Variants in MAGI2 observed in about 807,000 individuals in gnomAD.
The protein encoded by MAGI2 is membrane associated guanylate kinase, WW and PDZ domain containing 2, also known as membrane-associated guanylate kinase, WW and PDZ domain-containing protein 2.
MAGI2 carries 35 observed loss-of-function variants against 133.3 expected under a neutral mutation model. The observed-to-expected ratio is 0.26, with a 90% CI of 0.20 to 0.35. The LOEUF is 0.35. Ranked by LOEUF, MAGI2 falls within the 10% of genes least tolerant of loss-of-function variation. The pLI is 1.00. For missense variants in MAGI2, 1,636 were observed against 1,863.4 expected (o/e 0.88, Z 2.25); for synonymous variants, 729 against 710.6 (o/e 1.03, Z -0.41).
At chr7:79,096,920 A>T (rs1817568031) in intron 1 of MAGI2, among the ~76,000 whole-genome samples, 1 of 152,136 alleles carries the variant, frequency 6.6e-6, no homozygotes, top group South Asian at 2.1e-4. Context: ...TAAGGGTAAA[A>T]TATTGCTGTG....
chr7:79,113,775 C>A (rs921985939), intron 1 of MAGI2, among the ~76,000 whole-genome samples: 1 of 151,554 alleles, frequency 6.6e-6, no homozygotes, highest in Non-Finnish European at 1.5e-5. Flanking sequence ...CTACCCAGGG[C>A]AGTGCTAATA....
rs1041797877 is a variant in MAGI2, at chr7:79,007,998, T to A, written c.302-792A>T. Reference sequence around the variant, plus strand: ...ATAGTTAAAAAGCCAATAATGTAGATCTATCAAATACTTATTTGATATTTA... The same window carrying A: ...ATAGTTAAAAAGCCAATAATGTAGAACTATCAAATACTTATTTGATATTTA... On this transcript the variant is annotated intron_variant, in intron 1 of 21. Coordinates refer to ENST00000354212, the MANE Select transcript of MAGI2 (RefSeq NM_012301.4). Among the ~76,000 whole-genome samples, 6 of 152,138 alleles carry A rather than the reference T, an allele frequency of 3.9e-5. No homozygotes were observed. The East Asian group carries it at 7.7e-4, about 20-fold the overall frequency.
intron 1 of MAGI2, among the ~76,000 whole-genome samples, chr7:79,155,478 G>T (rs182970499): frequency 7.6e-4 from 116 of 152,208 alleles, no homozygotes; most frequent in African/African-American, 2.7e-3. Context: ...CACATTGAGA[G>T]AAGTATTTGG....
chr7:78,844,084 A>T (rs1792380151), intron 2 of MAGI2, among the ~76,000 whole-genome samples: 2 of 150,616 alleles, frequency 1.3e-5, no homozygotes, highest in Admixed American at 1.3e-4. Flanking sequence ...CTAATTTCAG[A>T]ATTTTTTTTT....
intron 10 of MAGI2, among the ~76,000 whole-genome samples, chr7:78,236,796 C>T (rs763142997): frequency 3.1e-4 from 47 of 152,116 alleles, no homozygotes; most frequent in Non-Finnish European, 5.7e-4. Flanking sequence ...TAAAGACATA[C>T]CTGAGACTGG....
chr7:78,408,369 G>A (rs1185674400), intron 6 of MAGI2, among the ~76,000 whole-genome samples: 3 of 151,980 alleles, frequency 2.0e-5, no homozygotes, highest in African/African-American at 7.2e-5. Flanking sequence ...ATAATATGTT[G>A]TAAGCTATCT....
At chr7:78,990,779 G>C (rs953855554) in intron 2 of MAGI2, among the ~76,000 whole-genome samples, 7 of 151,944 alleles carry the variant, frequency 4.6e-5, no homozygotes, top group African/African-American at 1.7e-4. Context: ...AAAAATCTGT[G>C]TTCTATCATT....
rs539338361 is a variant in MAGI2 at position 79,445,209 on chromosome 7, A to T, written c.301+7811T>A. 3.3e-5 allele frequency among the ~76,000 whole-genome samples: 5 copies of T among 152,282 alleles called. No homozygotes were observed. In the South Asian group the frequency reaches 1.0e-3, roughly 32 times the overall value. ...AAATGTTAGACCTAAAACCATAAAA[A>T]CCCTAGAAGAAAACCTAGGCAATAC... On this transcript the variant is annotated intron_variant, in intron 1 of 21. Coordinates refer to ENST00000354212, the MANE Select transcript of MAGI2 (RefSeq NM_012301.4).
intron 3 of MAGI2, among the ~76,000 whole-genome samples, chr7:78,569,595 G>A (rs1404643331): frequency 6.6e-6 from 1 of 152,000 alleles, no homozygotes; most frequent in Non-Finnish European, 1.5e-5. Flanking sequence ...AGAAAAAAAA[G>A]TAAAACATTA....
At chr7:78,716,907 C>T (rs1379747777) in intron 2 of MAGI2, among the ~76,000 whole-genome samples, 2 of 152,104 alleles carry the variant, frequency 1.3e-5, no homozygotes, top group African/African-American at 4.8e-5. Flanking sequence ...AACTGTTAGC[C>T]CAAGCCACAG....
chr7:79,061,271 T>G (rs1240790606), intron 1 of MAGI2, among the ~76,000 whole-genome samples: 1 of 152,000 alleles, frequency 6.6e-6, no homozygotes, highest in Non-Finnish European at 1.5e-5. Context: ...CAGGTGTGCT[T>G]TGAAGGTTGC....
At chr7:78,675,726 G>T (rs1374728505) in intron 2 of MAGI2, among the ~76,000 whole-genome samples, 1 of 152,050 alleles carries the variant, frequency 6.6e-6, no homozygotes, top group Non-Finnish European at 1.5e-5. Flanking sequence ...AAATATGCAG[G>T]ACACGCCATG....
At chr7:78,995,494 A>G (rs990383980) in intron 2 of MAGI2, among the ~76,000 whole-genome samples, 2 of 152,146 alleles carry the variant, frequency 1.3e-5, no homozygotes, top group Non-Finnish European at 2.9e-5. Context: ...GGTTCATGTT[A>G]AGATGAAAAT....
In MAGI2 at chr7:78,020,823, A is replaced by T. The variant is rs936826059; in HGVS notation, c.3707-847T>A. On this transcript the variant is annotated intron_variant, in intron 21 of 21. Transcript: ENST00000354212. ...TACATTTTAAAACTATCATTTTTTA[A>T]AAAAAATCGTCCTTAATTCCATTTT... Among the ~76,000 whole-genome samples the T allele has an allele frequency of 1.4e-4, 11 of 77,526 alleles. No individual in the cohort carries two copies. In the East Asian group the frequency reaches 4.4e-3, roughly 31 times the overall value. The allele number at this position is 77,526 out of a possible 152,430, so 50.9% of individuals were successfully genotyped here.
chr7:78,422,689 G>A (rs2151409756), intron 6 of MAGI2, among the ~76,000 whole-genome samples: 1 of 152,144 alleles, frequency 6.6e-6, no homozygotes, highest in African/African-American at 2.4e-5. Context: ...GTATTGCTTA[G>A]AGGGAGTAGA....
At chr7:79,021,116 G>A (rs1293120376) in intron 1 of MAGI2, among the ~76,000 whole-genome samples, 1 of 152,208 alleles carries the variant, frequency 6.6e-6, no homozygotes, top group Non-Finnish European at 1.5e-5. Flanking sequence ...ATGAGGTTGG[G>A]GAACTTCTAC....
chr7:78,531,059 A>T (rs1797425250), intron 3 of MAGI2, among the ~76,000 whole-genome samples: 1 of 152,176 alleles, frequency 6.6e-6, no homozygotes, highest in Non-Finnish European at 1.5e-5. Context: ...CTGCTCCCTC[A>T]GGGAACTCAA....
chr7:78,141,999 A>G (rs1433501003), intron 16 of MAGI2, among the ~76,000 whole-genome samples: 1 of 152,218 alleles, frequency 6.6e-6, no homozygotes, highest in Non-Finnish European at 1.5e-5. Flanking sequence ...TAACTGAAAG[A>G]AATCTCACGA....
intron 2 of MAGI2, among the ~76,000 whole-genome samples, chr7:78,641,175 T>C (rs769227011): frequency 1.3e-5 from 2 of 152,186 alleles, no homozygotes; most frequent in Non-Finnish European, 2.9e-5. Flanking sequence ...CAATTAAACC[T>C]CTTTTCTTTA....
Sources: allele counts gnomAD v4.1 joint callset (sites outside exome capture counted in the v4.1 genomes callset), GRCh38; gene constraint gnomAD v4.1.1; transcripts MANE v1.5; gene names NCBI Gene and HGNC (gene_info 2026-07-23, HGNC 2026-07-21).